Variants in DHX29 observed in about 807,000 individuals in gnomAD.
DHX29 encodes the protein DExH-box helicase 29.
A neutral mutation model predicts 167.9 loss-of-function variants in DHX29; 79 were observed. The observed-to-expected ratio is 0.47, with a 90% CI of 0.39 to 0.57. The LOEUF is 0.57. Ranked by LOEUF, DHX29 falls within the 20% of genes least tolerant of loss-of-function variation. The probability of loss-of-function intolerance (pLI) is 0.00; values close to 1 mark genes in which losing one functional copy is unlikely to be tolerated. For missense variants in DHX29, 1,347 were observed against 1,593.4 expected, an observed-to-expected ratio of 0.85 and a Z score of 2.63; for synonymous variants, 530 against 546.0, an observed-to-expected ratio of 0.97 and a Z score of 0.41.
chr5:55,290,197 T>G, intron 7 of DHX29, 21 bp downstream of exon 7: 1 of 1,596,598 alleles, frequency 6.3e-7, no homozygotes, highest in South Asian at 1.1e-5. Flanking sequence ...TTTATACATC[T>G]AAGTATTTGA....
chr5:55,282,030 C>T (rs1747452682), intron 11 of DHX29, among the ~76,000 whole-genome samples: 1 of 152,084 alleles, frequency 6.6e-6, no homozygotes, highest in Non-Finnish European at 1.5e-5. Context: ...AGGTGATCCC[C>T]CCGCCTCAGC....
intron 21 of DHX29, 107 bp downstream of exon 21, chr5:55,269,306 C>T (rs1579763013): frequency 3.2e-6 from 3 of 940,970 alleles, no homozygotes; most frequent in Middle Eastern, 3.5e-4. Context: ...TTCGTATAGA[C>T]ATTCTATTTA....
In DHX29 at chr5:55,294,071, T is replaced by C. The variant is rs1057147177; in HGVS notation, c.726A>G (p.Glu242=). The C allele has an allele frequency of 1.2e-6, 2 of 1,608,592 alleles. No individual in the cohort carries two copies. Among genetic ancestry groups the C allele is most frequent in the African/African-American group, 1.3e-5 (1 of 74,730 alleles). Residue 242 remains glutamate (E), a synonymous_variant, in exon 6 of 27, where the codon GAA becomes GAG. Transcript: ENST00000251636. ...TTTTAGAATTCTCATTCTTTTCTTC[T>C]TCATTTTGTTGTTCAGCATATCGTA... ...WILRYAEQQN[E]EEKNENSKSL... is the part of the protein sequence containing the mutation.
chr5:55,275,974 C>T (rs1378537948), intron 14 of DHX29, among the ~76,000 whole-genome samples: 1 of 152,120 alleles, frequency 6.6e-6, no homozygotes, highest in East Asian at 1.9e-4. Flanking sequence ...TAACTGATCA[C>T]TGTTATAAAA....
intron 8 of DHX29, among the ~76,000 whole-genome samples, chr5:55,286,181 G>A (rs1414190124): frequency 1.3e-5 from 2 of 151,804 alleles, no homozygotes; most frequent in African/African-American, 4.8e-5. Flanking sequence ...GTGAACCTGG[G>A]TGGCAGAGCT....
In DHX29 at chr5:55,270,566, G is replaced by A; in HGVS notation, c.2993+12C>T. ...GGTTTATGTGTTTTACATTTCCAGT[G>A]CTATGCCATACCTTTCTCTTGTGTA... On this transcript the variant is annotated intron_variant, in intron 19 of 26. Coordinates refer to ENST00000251636, the MANE Select transcript of DHX29 (RefSeq NM_019030.4). 2 of 1,614,042 alleles carry A rather than the reference G, an allele frequency of 1.2e-6. No homozygotes were observed. Among genetic ancestry groups the A allele is most frequent in the Non-Finnish European group, 1.7e-6 (2 of 1,180,002 alleles).
intron 17 of DHX29, among the ~76,000 whole-genome samples, chr5:55,272,451 G>A (rs1375163958): frequency 3.3e-5 from 5 of 152,038 alleles, no homozygotes; most frequent in Admixed American, 1.3e-4. Context: ...ATATAAGTAG[G>A]GCTGGGTGCG....
intron 1 of DHX29, among the ~76,000 whole-genome samples, chr5:55,303,698 T>C (rs1001167489): frequency 6.6e-6 from 1 of 152,198 alleles, no homozygotes. Context: ...TCAAACTTGT[T>C]TCCACCTTAG....
At chr5:55,285,537 A>G in intron 9 of DHX29, 121 bp from the exon 10 acceptor site, 1 of 1,242,192 alleles carries the variant, frequency 8.1e-7, no homozygotes, top group Non-Finnish European at 1.1e-6. Context: ...CATGGAAGGC[A>G]TTATTAGATA....
Position 55,281,381 on chromosome 5 carries a change from A to G in DHX29, c.2100T>C (p.Ile700=). The change falls in exon 12 of 27, where the codon ATT becomes ATC. Residue 700 remains isoleucine (I), a synonymous_variant. Coordinates refer to ENST00000251636, the MANE Select transcript of DHX29 (RefSeq NM_019030.4). ...TATAGAATCCACTCACCTCATCTAC[A>G]ATAACATGAGACACATTACTTAGAA... The part of the protein sequence containing the change: ...DGLLSNVSHV[I]VDEVHERSVQ... 1 of 1,585,952 alleles carries G rather than the reference A, an allele frequency of 6.3e-7. No individual in the cohort carries two copies. Among genetic ancestry groups the G allele is most frequent in the Non-Finnish European group, 8.6e-7 (1 of 1,166,950 alleles).
chr5:55,301,142 A>G (rs964460811), intron 1 of DHX29, among the ~76,000 whole-genome samples: 4 of 152,160 alleles, frequency 2.6e-5, no homozygotes, highest in Middle Eastern at 3.2e-3. Context: ...ATCTCCAAAT[A>G]TAGCCACACT....
intron 12 of DHX29, 34 bp from the exon 13 acceptor site, chr5:55,277,316 T>C (rs1747168154): frequency 6.9e-6 from 10 of 1,438,922 alleles, no homozygotes; most frequent in Non-Finnish European, 9.5e-6. Context: ...AAGTTCATCA[T>C]ATATTGTATA....
intron 2 of DHX29, 37 bp downstream of exon 2, chr5:55,298,554 A>C: frequency 8.1e-7 from 1 of 1,240,420 alleles, no homozygotes; most frequent in Non-Finnish European, 1.2e-6. Flanking sequence ...AAAGGGGGAA[A>C]CATTTCTTGA....
At chr5:55,287,334 G>A (rs112972942) in intron 8 of DHX29, among the ~76,000 whole-genome samples, 160 of 152,184 alleles carry the variant, frequency 1.1e-3, no homozygotes, top group African/African-American at 3.7e-3. Flanking sequence ...CCGGCTACTT[G>A]GGAGACTGAA....
intron 1 of DHX29, among the ~76,000 whole-genome samples, chr5:55,302,240 A>AC (rs1748642082): frequency 6.6e-6 from 1 of 152,148 alleles, no homozygotes; most frequent in Non-Finnish European, 1.5e-5. Context: ...AATTATAGTA[A>AC]GCTTGTGCAC....
chr5:55,297,594 A>G (rs1488528441), intron 2 of DHX29, among the ~76,000 whole-genome samples, 196 bp from the exon 3 acceptor site: 2 of 152,198 alleles, frequency 1.3e-5, no homozygotes, highest in Non-Finnish European at 2.9e-5. Flanking sequence ...TGTGATATGA[A>G]AAAAGCAACA....
At chr5:55,297,519 A>G in intron 2 of DHX29, 121 bp from the exon 3 acceptor site, 3 of 610,296 alleles carry the variant, frequency 4.9e-6, no homozygotes, top group Non-Finnish European at 8.6e-6. Flanking sequence ...AATCAGATAC[A>G]GTAATTATCA....
chr5:55,256,062 T>C lies in DHX29; in HGVS notation c.*426A>G, dbSNP rs1160215013. On this transcript the variant is annotated 3_prime_UTR_variant, in exon 27 of 27. Transcript: ENST00000251636. ...AACTGACTTCTGAAGTTGTTCCTTTTCATGGAAATTTAATTATAATTGGTT... is the reference window on the plus strand; with the variant it reads ...AACTGACTTCTGAAGTTGTTCCTTTCCATGGAAATTTAATTATAATTGGTT... 6.6e-6 allele frequency among the ~76,000 whole-genome samples: 1 copy of C among 152,230 alleles called. No homozygotes were observed. Among genetic ancestry groups the C allele is most frequent in the Admixed American group, 6.5e-5 (1 of 15,290 alleles).
intron 22 of DHX29, among the ~76,000 whole-genome samples, 185 bp from the exon 23 acceptor site, chr5:55,267,416 CAGAT>C (rs1469927610): frequency 3.9e-5 from 6 of 152,056 alleles, no homozygotes; most frequent in African/African-American, 1.2e-4. Flanking sequence ...ACAGCATTGA[CAGAT>C]ATTTTCCATT....
Sources: allele counts gnomAD v4.1 joint callset (sites outside exome capture counted in the v4.1 genomes callset), GRCh38; gene constraint gnomAD v4.1.1; transcripts MANE v1.5; gene names NCBI Gene and HGNC (gene_info 2026-07-23, HGNC 2026-07-21).